GSR: variants seen among roughly 807,000 people sequenced by gnomAD.
GSR encodes the protein glutathione reductase, mitochondrial.
GSR carries 48 observed loss-of-function variants against 56.5 expected under a neutral mutation model. The observed-to-expected ratio is 0.85, with a 90% CI of 0.67 to 1.08. The LOEUF (loss-of-function observed/expected upper bound fraction) is 1.08. Ranked by LOEUF, GSR falls within the 50% of genes least tolerant of loss-of-function variation. The pLI, the probability that GSR is intolerant of heterozygous loss-of-function variation, is 0.00. For synonymous variants in GSR, 264 were observed against 270.8 expected, an observed-to-expected ratio of 0.97 and a Z score of 0.25; for missense variants, 694 against 703.3, an observed-to-expected ratio of 0.99 and a Z score of 0.15.
At chr8:30,703,625 T>C (rs955950490) in intron 4 of GSR, among the ~76,000 whole-genome samples, 1 of 151,928 alleles carries the variant, frequency 6.6e-6, no homozygotes, top group Non-Finnish European at 1.5e-5. Context: ...TGCACACCTG[T>C]AGTCCCAGCT....
chr8:30,713,035 AACT>A (rs1394676040), intron 1 of GSR, among the ~76,000 whole-genome samples: 1 of 152,120 alleles, frequency 6.6e-6, no homozygotes, highest in Non-Finnish European at 1.5e-5. Context: ...AGACTCAGAA[AACT>A]ACTTTTTTTT....
In GSR at chr8:30,681,013, A is replaced by G. The variant is rs779656226; in HGVS notation, c.1310T>C (p.Ile437Thr). The stretch of plus-strand genomic sequence containing the variant: ...CGTTGAATAGGTCTTCACATTTTCT[A>G]TTCCATATTTATGAATGGCTTCATC... Reference protein sequence around the residue: ...TEDEAIHKYGIENVKTYSTSF... With the variant: ...TEDEAIHKYGTENVKTYSTSF... The change falls in exon 12 of 13, where the codon ATA (isoleucine) becomes ACA (threonine). Residue 437 changes from isoleucine (I) to threonine (T), a missense_variant. Transcript: ENST00000221130. 1.9e-6 allele frequency: 3 copies of G among 1,610,650 alleles called. No homozygotes were observed. Among genetic ancestry groups the G allele is most frequent in the Admixed American group, 1.7e-5 (1 of 59,966 alleles).
intron 1 of GSR, among the ~76,000 whole-genome samples, chr8:30,724,694 C>A (rs147553431): frequency 6.6e-6 from 1 of 151,850 alleles, no homozygotes; most frequent in Non-Finnish European, 1.5e-5. Flanking sequence ...TGCCACCACA[C>A]CCGGCTAATT....
chr8:30,700,179 C>T (rs777403144), intron 5 of GSR, 44 bp from the exon 6 acceptor site: 13 of 1,358,484 alleles, frequency 9.6e-6, no homozygotes, highest in Non-Finnish European at 1.2e-5. Context: ...ACTGCTCTTT[C>T]TCTTGCAAAG....
In GSR at chr8:30,679,290, G is replaced by T; in HGVS notation, c.*230C>A. ...AGAGCTGTTAATAAAAAAAAAACTT[G>T]AAAATATTAATTACTGTGAGATGTG... On this transcript the variant is annotated 3_prime_UTR_variant, in exon 13 of 13. Transcript: ENST00000221130. 13 of 519,770 alleles carry T rather than the reference G, an allele frequency of 2.5e-5. No individual in the cohort carries two copies. Among genetic ancestry groups the T allele is most frequent in the East Asian group, 1.0e-4 (3 of 28,704 alleles). 32.2% of individuals were successfully genotyped at this position (519,770 alleles called of 1,614,324 possible).
intron 1 of GSR, among the ~76,000 whole-genome samples, chr8:30,722,518 G>GAGTTCGAGACCAGC (rs59630231): frequency 0.77 from 115,974 of 151,548 alleles, 48,832 homozygotes; most frequent in Non-Finnish European, 0.94. Flanking sequence ...TTGAGCTCAG[G>GAGTTCGAGACCAGC]AGTTCGAGAC....
At chr8:30,701,748 G>A (rs1586051442) in intron 5 of GSR, among the ~76,000 whole-genome samples, 2 of 128,384 alleles carry the variant, frequency 1.6e-5, no homozygotes, top group Non-Finnish European at 3.1e-5. Context: ...AGTGGAGATT[G>A]CGCCACTGCA....
At chr8:30,703,000 C>T in intron 5 of GSR, 93 bp downstream of exon 5, 1 of 1,320,206 alleles carries the variant, frequency 7.6e-7, no homozygotes, top group Non-Finnish European at 1.1e-6. Flanking sequence ...AAAGAGAGAA[C>T]TGGTTTAGGC....
intron 1 of GSR, 57 bp from the exon 2 acceptor site, chr8:30,712,145 A>G (rs1454880863): frequency 1.0e-5 from 10 of 953,370 alleles, no homozygotes; most frequent in Non-Finnish European, 1.7e-5. Context: ...CCATCAAACG[A>G]AATCTGCAAG....
At chr8:30,726,507 C>G (rs774055020) in intron 1 of GSR, among the ~76,000 whole-genome samples, 1 of 152,078 alleles carries the variant, frequency 6.6e-6, no homozygotes, top group Non-Finnish European at 1.5e-5. Context: ...GCTTGTAATC[C>G]CAGCACTTTG....
chr8:30,681,649 C>T (rs752169808), intron 11 of GSR, among the ~76,000 whole-genome samples: 2 of 151,476 alleles, frequency 1.3e-5, no homozygotes, highest in African/African-American at 2.4e-5. Flanking sequence ...AGAGAGGAGT[C>T]CTTTGTATTA....
At chr8:30,681,309 C>T (rs887605528) in intron 11 of GSR, among the ~76,000 whole-genome samples, 2 of 152,078 alleles carry the variant, frequency 1.3e-5, no homozygotes, top group African/African-American at 2.4e-5. Flanking sequence ...GCAGGTGGAT[C>T]GCTTGAGCCC....
At chr8:30,704,115 G>A (rs181145204) in intron 4 of GSR, among the ~76,000 whole-genome samples, 2 of 151,784 alleles carry the variant, frequency 1.3e-5, no homozygotes, top group East Asian at 2.0e-4. Flanking sequence ...ACCTGAGGTC[G>A]GGAGTTCGAG....
At chr8:30,682,920 C>T (rs528818544) in intron 10 of GSR, among the ~76,000 whole-genome samples, 9 of 152,004 alleles carry the variant, frequency 5.9e-5, no homozygotes, top group South Asian at 4.2e-4. Context: ...CTCTGCCTCC[C>T]GGGTTGAAGC....
At position 30,702,949 on chromosome 8, in the gene GSR, GAGTT is replaced by G. The variant is rs2128744327; in HGVS notation, c.640+140_640+143del. ...TCACTAGCTACCACTAAGCCAACTG[GAGTT>G]AGGTTCTGCAGAGACCTTCTCCCAT... On this transcript the variant is annotated intron_variant, in intron 5 of 12. Coordinates refer to ENST00000221130, the MANE Select transcript of GSR (RefSeq NM_000637.5). 14 of 836,396 alleles carry G rather than the reference GAGTT, an allele frequency of 1.7e-5. No individual in the cohort carries two copies. In the South Asian group the frequency reaches 1.9e-4, roughly 11 times the overall value. The allele number at this position is 836,396 out of a possible 1,614,324, so 51.8% of individuals were successfully genotyped here.
At chr8:30,712,632 A>T (rs1381917751) in intron 1 of GSR, among the ~76,000 whole-genome samples, 3 of 152,206 alleles carry the variant, frequency 2.0e-5, no homozygotes, top group Admixed American at 6.6e-5. Flanking sequence ...CATGATCATG[A>T]TCATGCCACT....
chr8:30,687,782 G>A (rs1396222730), intron 9 of GSR: 1 of 152,088 alleles, frequency 6.6e-6, no homozygotes, highest in Non-Finnish European at 1.5e-5. Flanking sequence ...ATTATCAATA[G>A]CAGGTGAACA....
chr8:30,698,696 C>A (rs751739670), intron 6 of GSR, among the ~76,000 whole-genome samples: 1 of 152,186 alleles, frequency 6.6e-6, no homozygotes, highest in Non-Finnish European at 1.5e-5. Context: ...GGCTCATGGA[C>A]TATGAGTCAC....
chr8:30,722,103 C>T (rs1390268918), intron 1 of GSR, among the ~76,000 whole-genome samples: 1 of 152,054 alleles, frequency 6.6e-6, no homozygotes, highest in African/African-American at 2.4e-5. Flanking sequence ...GGCAGTCTAT[C>T]TTTTCCTAGC....
Sources: gnomAD v4.1 joint callset for allele counts (sites outside exome capture counted in the v4.1 genomes callset) on GRCh38, gnomAD v4.1.1 for gene constraint, MANE v1.5 for transcripts, NCBI Gene and HGNC (gene_info 2026-07-23, HGNC 2026-07-21) for gene names.